Variants in MAGI2 observed in about 807,000 individuals in gnomAD.
MAGI2 encodes membrane associated guanylate kinase, WW and PDZ domain containing 2, also known as membrane-associated guanylate kinase, WW and PDZ domain-containing protein 2.
Under a neutral mutation model 133.3 loss-of-function variants are expected in MAGI2, and 35 were observed. The ratio of observed to expected loss-of-function variants is 0.26; its 90% CI spans 0.20 to 0.35. The LOEUF (loss-of-function observed/expected upper bound fraction) is 0.35, where lower values mean the gene tolerates loss of function less well. Ranked by LOEUF, MAGI2 falls within the 10% of genes least tolerant of loss-of-function variation. MAGI2 has a pLI of 1.00. For synonymous variants in MAGI2, 729 were observed against 710.6 expected (o/e 1.03, Z -0.41); for missense variants, 1,636 against 1,863.4 (o/e 0.88, Z 2.25).
chr7:78,960,579 G>A (rs1327048149), intron 2 of MAGI2, among the ~76,000 whole-genome samples: 1 of 152,090 alleles, frequency 6.6e-6, no homozygotes, highest in African/African-American at 2.4e-5. Flanking sequence ...ATTAATGATG[G>A]AGGTTGAGTT....
chr7:78,757,863 A>G (rs150465243), intron 2 of MAGI2, among the ~76,000 whole-genome samples: 230 of 152,274 alleles, frequency 1.5e-3, no homozygotes, highest in Middle Eastern at 6.8e-3. Flanking sequence ...ACACTATAAT[A>G]AGCAGTTGAC....
Position 78,879,250 on chromosome 7 carries a change from A to G in MAGI2, c.418+127840T>C, listed in dbSNP as rs1326659712. ...GCCCCACCCATACTGGTGCCCCACA[A>G]TGGGCTGAGCAAGGAGATCAGAGCT... On this transcript the variant is annotated intron_variant, in intron 2 of 21. Transcript: ENST00000354212. 6.6e-5 allele frequency among the ~76,000 whole-genome samples: 10 copies of G among 152,180 alleles called. No individual in the cohort carries two copies. The East Asian group carries it at 1.2e-3, about 18-fold the overall frequency.
At chr7:78,911,459 G>A (rs779285683) in intron 2 of MAGI2, among the ~76,000 whole-genome samples, 17 of 151,946 alleles carry the variant, frequency 1.1e-4, no homozygotes, top group East Asian at 1.9e-4. Context: ...GAACTTGTTC[G>A]CCCCTTCCAC....
chr7:78,019,505 C>G lies in MAGI2; in HGVS notation c.4178G>C (p.Gly1393Ala), dbSNP rs1808086033. The G allele has an allele frequency of 1.0e-6, 1 of 980,414 alleles. No homozygotes were observed. Among genetic ancestry groups the G allele is most frequent in the Non-Finnish European group, 1.2e-6 (1 of 828,244 alleles). 60.7% of individuals were successfully genotyped at this position (980,414 alleles called of 1,614,324 possible). The change falls in exon 22 of 22, where the codon GGC becomes GCC. Residue 1393 changes from glycine to alanine, a missense_variant. Gly to Ala is a moderately conservative substitution (Grantham distance 60, BLOSUM62 0). Coordinates refer to ENST00000354212, the MANE Select transcript of MAGI2 (RefSeq NM_012301.4). Reference sequence around the variant, plus strand: ...CTCCAGCGCGCCGCTGCCGCCGCCGCCCGGGCCGGCAAACGCCGGCGCAGC... The same window carrying G: ...CTCCAGCGCGCCGCTGCCGCCGCCGGCCGGGCCGGCAAACGCCGGCGCAGC... ...PGAAPAFAGP[G>A]GGGSGALEAE...
intron 1 of MAGI2, among the ~76,000 whole-genome samples, chr7:79,089,020 G>A (rs978260658): frequency 6.6e-6 from 1 of 151,946 alleles, no homozygotes; most frequent in African/African-American, 2.4e-5. Flanking sequence ...GCAACCTACA[G>A]AATGGGAGAA....
At chr7:79,174,144 G>A (rs189197642) in intron 1 of MAGI2, among the ~76,000 whole-genome samples, 1 of 151,992 alleles carries the variant, frequency 6.6e-6, no homozygotes, top group East Asian at 1.9e-4. Context: ...TCTAGATTGT[G>A]ATGTAAAATT....
At chr7:78,726,631 A>C (rs1176910408) in intron 2 of MAGI2, among the ~76,000 whole-genome samples, 1 of 152,188 alleles carries the variant, frequency 6.6e-6, no homozygotes, top group South Asian at 2.1e-4. Flanking sequence ...TAAAGGAATA[A>C]ATGGTTTCAA....
chr7:79,070,636 C>A (rs929136652), intron 1 of MAGI2, among the ~76,000 whole-genome samples: 2 of 151,652 alleles, frequency 1.3e-5, no homozygotes, highest in Admixed American at 1.3e-4. Context: ...GGACTACAGG[C>A]GCCCACCACC....
At chr7:79,083,010 A>G (rs532138489) in intron 1 of MAGI2, among the ~76,000 whole-genome samples, 40 of 151,772 alleles carry the variant, frequency 2.6e-4, no homozygotes, top group African/African-American at 9.2e-4. Context: ...AAAAATACAA[A>G]TGATTTTTTG....
At chr7:78,909,322 G>T (rs1390646482) in intron 2 of MAGI2, among the ~76,000 whole-genome samples, 6 of 151,494 alleles carry the variant, frequency 4.0e-5, no homozygotes, top group Admixed American at 6.6e-5. Flanking sequence ...GGCTAGGCGC[G>T]GTGGCTCACG....
At chr7:79,078,651 A>T (rs1815763248) in intron 1 of MAGI2, among the ~76,000 whole-genome samples, 1 of 152,136 alleles carries the variant, frequency 6.6e-6, no homozygotes, top group South Asian at 2.1e-4. Context: ...AAAAGAGGCT[A>T]TCTAGCTAGG....
chr7:78,381,336 ACT>A (rs1294309350), intron 6 of MAGI2, among the ~76,000 whole-genome samples: 1 of 148,780 alleles, frequency 6.7e-6, no homozygotes, highest in African/African-American at 2.5e-5. Flanking sequence ...GACATATAAG[ACT>A]CTGTCTCAAT....
intron 20 of MAGI2, among the ~76,000 whole-genome samples, chr7:78,109,929 C>T (rs1023572280): frequency 6.6e-6 from 1 of 152,036 alleles, no homozygotes; most frequent in Non-Finnish European, 1.5e-5. Flanking sequence ...AATGTATGTG[C>T]CCATTTCCAG....
At chr7:78,044,065 G>A (rs944967849) in intron 21 of MAGI2, among the ~76,000 whole-genome samples, 2 of 152,128 alleles carry the variant, frequency 1.3e-5, no homozygotes, top group African/African-American at 2.4e-5. Context: ...GATAATTTGT[G>A]TTATAACTTG....
intron 2 of MAGI2, among the ~76,000 whole-genome samples, chr7:78,874,821 G>T (rs1314919771): frequency 6.6e-6 from 1 of 152,104 alleles, no homozygotes; most frequent in Non-Finnish European, 1.5e-5. Context: ...TAACGGATAG[G>T]CTAATTGCCC....
intron 1 of MAGI2, among the ~76,000 whole-genome samples, chr7:79,113,260 G>A (rs887197787): frequency 2.0e-5 from 3 of 152,076 alleles, no homozygotes; most frequent in Non-Finnish European, 4.4e-5. Context: ...CCATGGCTGC[G>A]TGCTAGAGTC....
rs879344993 is a variant in MAGI2, at chr7:79,234,874, G to T, written c.301+218146C>A. 3.8e-3 allele frequency among the ~76,000 whole-genome samples: 581 copies of T among 151,620 alleles called. 3 individuals are homozygous for T. Among genetic ancestry groups the T allele is most frequent in the Non-Finnish European group, 5.4e-3 (369 of 67,844 alleles). On this transcript the variant is annotated intron_variant, in intron 1 of 21. Transcript: ENST00000354212. ...CTTTGGAGGAGGAGAGGCGCTCTGC[G>T]TTTTAGAGTTTCCAGTTTTTCTGTT...
chr7:78,046,501 A>G (rs755436292), intron 21 of MAGI2, among the ~76,000 whole-genome samples: 3 of 152,174 alleles, frequency 2.0e-5, no homozygotes, highest in Non-Finnish European at 2.9e-5. Flanking sequence ...CACATGTTGA[A>G]TTACCTTCAA....
At chr7:78,213,016 G>A (rs1483993877) in intron 10 of MAGI2, among the ~76,000 whole-genome samples, 1 of 152,182 alleles carries the variant, frequency 6.6e-6, no homozygotes, top group East Asian at 1.9e-4. Context: ...GATGGAAGGA[G>A]AAGCCTGGAT....
Sources: gnomAD v4.1 joint callset for allele counts (sites outside exome capture counted in the v4.1 genomes callset) on GRCh38, gnomAD v4.1.1 for gene constraint, MANE v1.5 for transcripts, NCBI Gene and HGNC (gene_info 2026-07-23, HGNC 2026-07-21) for gene names.